Variants in EDC4 observed in about 807,000 individuals in gnomAD.
EDC4 encodes the protein enhancer of mRNA decapping 4, also known as enhancer of mRNA-decapping protein 4.
EDC4 carries 64 observed loss-of-function variants against 155.8 expected under a neutral mutation model. The ratio of observed to expected loss-of-function variants is 0.41; its 90% CI spans 0.34 to 0.51. EDC4 has a LOEUF of 0.51. Ranked by LOEUF, EDC4 falls within the 20% of genes least tolerant of loss-of-function variation. The pLI, the probability that EDC4 is intolerant of heterozygous loss-of-function variation, is 0.19. For synonymous variants in EDC4, 684 were observed against 716.8 expected, an observed-to-expected ratio of 0.95 and a Z score of 0.73; for missense variants, 1,303 against 1,812.5, an observed-to-expected ratio of 0.72 and a Z score of 5.10.
chr16:67,880,235 G>T lies in EDC4; in HGVS notation c.2097+19G>T. On this transcript the variant is annotated intron_variant, in intron 17 of 28. Transcript: ENST00000358933. This position sits in a 1 kb window ranked among gnomAD's most constrained non-coding sequence, Gnocchi z 5.2. ...GGGCCAGGTGTGTGACTGGGTGTGT[G>T]TGTGAAGTGTGGGGAGCAGGTGGGC... 6.3e-7 allele frequency: 1 copy of T among 1,581,704 alleles called. No homozygotes were observed.
Position 67,884,081 on chromosome 16 carries a change from C to T in EDC4, c.4139C>T (p.Ser1380Leu), listed in dbSNP as rs2058082990. The T allele has an allele frequency of 1.2e-6, 2 of 1,614,172 alleles. No individual in the cohort carries two copies. The highest frequency in any genetic ancestry group is 1.7e-6 in the Non-Finnish European group (2 of 1,180,028). The change falls in exon 29 of 29, where the codon TCA (serine) becomes TTA (leucine). Residue 1380 changes from serine (S) to leucine (L), a missense_variant. Coordinates refer to ENST00000358933, the MANE Select transcript of EDC4 (RefSeq NM_014329.5). The surrounding 1 kb of genome is among the most constrained non-coding windows in gnomAD (Gnocchi z 4.1). ...TTCCTGCAGGCTGAGCCACACAACT[C>T]ACTTGGCAAAGCAGCTCGGCGTCTC... ...FQFLQAEPHNSLGKAARRLSL... is the reference protein window; with the variant it reads ...FQFLQAEPHNLLGKAARRLSL...
At chr16:67,875,689 G>A (rs2058038540) in intron 1 of EDC4, 1 of 1,281,336 alleles carries the variant, frequency 7.8e-7, no homozygotes, top group African/African-American at 1.5e-5. Flanking sequence ...CCAGACCTGA[G>A]TATTCACTGC....
Position 67,876,123 on chromosome 16 carries a change from A to G in EDC4, c.239+22A>G, listed in dbSNP as rs772130597. On this transcript the variant is annotated intron_variant, in intron 2 of 28. Transcript: ENST00000358933. The surrounding 1 kb of genome is among the most constrained non-coding windows in gnomAD (Gnocchi z 5.8). The stretch of plus-strand genomic sequence containing the variant: ...TCATGTGAGTACCTAGGAGACGACA[A>G]TAGTGGTGATGGTGTATTTGGGGTG... The G allele has an allele frequency of 3.1e-6, 5 of 1,610,404 alleles. No individual in the cohort carries two copies. The highest frequency in any genetic ancestry group is 4.5e-5 in the East Asian group (2 of 44,808).
Position 67,884,332 on chromosome 16 carries a change from G to A in EDC4, c.*184G>A. ...TGTGGTAGTCAGAAGGTTTAGCTGGGCCCAGGGCAGGTATTGCGCCTGCTT... is the reference window on the plus strand; with the variant it reads ...TGTGGTAGTCAGAAGGTTTAGCTGGACCCAGGGCAGGTATTGCGCCTGCTT... On this transcript the variant is annotated 3_prime_UTR_variant, in exon 29 of 29. Coordinates refer to ENST00000358933, the MANE Select transcript of EDC4 (RefSeq NM_014329.5). The surrounding 1 kb of genome is among the most constrained non-coding windows in gnomAD (Gnocchi z 4.1). 1 of 607,894 alleles carries A rather than the reference G, an allele frequency of 1.6e-6. No individual in the cohort carries two copies. The highest frequency in any genetic ancestry group is 2.3e-5 in the South Asian group (1 of 43,598). The allele number at this position is 607,894 out of a possible 1,614,324, so 37.7% of individuals were successfully genotyped here.
rs940170443 is a variant in EDC4, at chr16:67,880,340, C to T, written c.2097+124C>T. 1.2e-5 allele frequency: 17 copies of T among 1,440,994 alleles called. No individual in the cohort carries two copies. The highest frequency in any genetic ancestry group is 2.6e-4 in the Middle Eastern group (1 of 3,898). The allele number at this position is 1,440,994 out of a possible 1,614,324, so 89.3% of individuals were successfully genotyped here. A position where few individuals can be genotyped will look rare whatever the true frequency, so the allele number is the denominator to read the frequency against. ...CTCTACCCGACATGGTCCGTGTTTC[C>T]CTGAGGTCATTTCACCCTCCTGTGT... On this transcript the variant is annotated intron_variant, in intron 17 of 28. Coordinates refer to ENST00000358933, the MANE Select transcript of EDC4 (RefSeq NM_014329.5). This position sits in a 1 kb window ranked among gnomAD's most constrained non-coding sequence, Gnocchi z 5.2.
chr16:67,876,023 GCTCAGGTGATAGTAC>G lies in EDC4; in HGVS notation c.167_181del (p.Gly56_Ser60del). On this transcript the variant is annotated inframe_deletion, in exon 2 of 29. Transcript: ENST00000358933. This position sits in a 1 kb window ranked among gnomAD's most constrained non-coding sequence, Gnocchi z 5.8. ...GGACTTCTGGTCCCAGACCCGCTCTGCTCAGGTGATAGTACCTCAGCAAACAAGACTGGTCTTCGG... is the reference window on the plus strand; with the variant it reads ...GGACTTCTGGTCCCAGACCCGCTCTGCTCAGCAAACAAGACTGGTCTTCGG... 6.2e-7 allele frequency: 1 copy of G among 1,614,204 alleles called. No individual in the cohort carries two copies. Among genetic ancestry groups the G allele is most frequent in the South Asian group, 1.1e-5 (1 of 91,082 alleles).
chr16:67,877,818 C>T lies in EDC4; in HGVS notation c.867C>T (p.Gly289=), dbSNP rs572809321. ...WPVDVSQIKQ[G]FIVVKGHSTC... ...TGGATGTTAGCCAGATCAAGCAGGG[C>T]TTCATTGTGGTAAAAGGTCATAGCA... The change falls in exon 7 of 29, where the codon GGC becomes GGT. Residue 289 remains glycine (G), a synonymous_variant. Transcript: ENST00000358933. This position sits in a 1 kb window ranked among gnomAD's most constrained non-coding sequence, Gnocchi z 4.9. 3.4e-5 allele frequency: 55 copies of T among 1,614,132 alleles called. No individual in the cohort carries two copies. The South Asian group carries it at 5.8e-4, about 17-fold the overall frequency.
chr16:67,879,501 T>A lies in EDC4; in HGVS notation c.1631T>A (p.Phe544Tyr). Residue 544 changes from phenylalanine to tyrosine, a missense_variant and splice_region_variant, in exon 14 of 29, where the codon TTC (phenylalanine) becomes TAC (tyrosine). Around this residue, in one of 5 missense-constraint regions of EDC4, gnomAD observed 391 missense variants for 445.4 expected, o/e 0.88. Coordinates refer to ENST00000358933, the MANE Select transcript of EDC4 (RefSeq NM_014329.5). The surrounding 1 kb of genome is among the most constrained non-coding windows in gnomAD (Gnocchi z 6.0). ...PLPTHTAHED[F>Y]TFGESRPELG... is the part of the protein sequence containing the mutation. Reference sequence around the variant, plus strand: ...CCCACCCACACTGCCCACGAGGACTTCAGTGAGTAGGGCGTGAGAGGGAGG... The same window carrying A: ...CCCACCCACACTGCCCACGAGGACTACAGTGAGTAGGGCGTGAGAGGGAGG... 1 of 1,614,134 alleles carries A rather than the reference T, an allele frequency of 6.2e-7. No homozygotes were observed. Among genetic ancestry groups the A allele is most frequent in the African/African-American group, 1.3e-5 (1 of 75,028 alleles).
In EDC4 at chr16:67,881,245, C is replaced by T. The variant is rs2058066650; in HGVS notation, c.2637-20C>T. On this transcript the variant is annotated intron_variant, in intron 19 of 28. Transcript: ENST00000358933. This position sits in a 1 kb window ranked among gnomAD's most constrained non-coding sequence, Gnocchi z 5.4. ...GGCAGCAAGTGGGCAGGGGCTTACTCCTCCTTCCCCTTCCCACAGTGACCA... is the reference window on the plus strand; with the variant it reads ...GGCAGCAAGTGGGCAGGGGCTTACTTCTCCTTCCCCTTCCCACAGTGACCA... 2 of 1,613,902 alleles carry T rather than the reference C, an allele frequency of 1.2e-6. No homozygotes were observed. The highest frequency in any genetic ancestry group is 1.7e-6 in the Non-Finnish European group (2 of 1,179,932).
At position 67,880,136 on chromosome 16, in the gene EDC4, C is replaced by G; in HGVS notation, c.2017C>G (p.Leu673Val). 2 of 1,613,144 alleles carry G rather than the reference C, an allele frequency of 1.2e-6. No homozygotes were observed. The highest frequency in any genetic ancestry group is 1.7e-6 in the Non-Finnish European group (2 of 1,179,804). Residue 673 changes from leucine (L) to valine (V), a missense_variant, in exon 17 of 29, where the codon CTT (leucine) becomes GTT (valine). Physicochemically the swap from Leu to Val is conservative, Grantham distance 32. Around this residue, in one of 5 missense-constraint regions of EDC4, gnomAD observed 391 missense variants for 445.4 expected, o/e 0.88. Transcript: ENST00000358933. This position sits in a 1 kb window ranked among gnomAD's most constrained non-coding sequence, Gnocchi z 5.2. The part of the protein sequence containing the change: ...GSLTMSSSGS[L>V]QASPRGLLPG... ...CCTGACAATGAGCAGCAGTGGCAGC[C>G]TTCAGGCAAGCCCGCGTGGCCTCCT...
In EDC4 at chr16:67,880,024, C is replaced by T. The variant is rs780704062; in HGVS notation, c.1944-39C>T. ...GGCAGGGGCTGGTACCAGATGATGC[C>T]AAGCTCTGGCTGCTGACACCTCAGC... is the stretch of plus-strand genomic sequence containing the variant. On this transcript the variant is annotated intron_variant, in intron 16 of 28. Transcript: ENST00000358933. This position sits in a 1 kb window ranked among gnomAD's most constrained non-coding sequence, Gnocchi z 5.2. 11 of 1,587,630 alleles carry T rather than the reference C, an allele frequency of 6.9e-6. No homozygotes were observed. Among genetic ancestry groups the T allele is most frequent in the Non-Finnish European group, 9.5e-6 (11 of 1,163,060 alleles).
In EDC4 at chr16:67,882,983, G is replaced by C; in HGVS notation, c.3655G>C (p.Val1219Leu). 2.5e-6 allele frequency: 4 copies of C among 1,614,158 alleles called. No homozygotes were observed. The highest frequency in any genetic ancestry group is 3.4e-6 in the Non-Finnish European group (4 of 1,180,016). Residue 1219 changes from valine to leucine, a missense_variant, in exon 27 of 29, where the codon GTA becomes CTA. This residue lies in a region of EDC4 where 527 missense variants were observed against 757.0 expected (regional missense o/e 0.70). Transcript: ENST00000358933. This position sits in a 1 kb window ranked among gnomAD's most constrained non-coding sequence, Gnocchi z 7.2. ...CCTGCAGGAGTCCATTTTAGCACAGGTACAGCGCATCGTTAAGGGTGAGGT... is the reference window on the plus strand; with the variant it reads ...CCTGCAGGAGTCCATTTTAGCACAGCTACAGCGCATCGTTAAGGGTGAGGT... ...GSLQESILAQVQRIVKGEVSV... is the reference protein window; with the variant it reads ...GSLQESILAQLQRIVKGEVSV...
At position 67,879,219 on chromosome 16, in the gene EDC4, T is replaced by G. The variant is rs371781428; in HGVS notation, c.1469-18T>G. The G allele has an allele frequency of 1.9e-6, 3 of 1,614,056 alleles. No homozygotes were observed. The highest frequency in any genetic ancestry group is 2.7e-5 in the African/African-American group (2 of 74,912). On this transcript the variant is annotated intron_variant, in intron 12 of 28. Coordinates refer to ENST00000358933, the MANE Select transcript of EDC4 (RefSeq NM_014329.5). This position sits in a 1 kb window ranked among gnomAD's most constrained non-coding sequence, Gnocchi z 6.0. ...ACAGAGAGGGCCAGGGGCTTCATCA[T>G]CCACACTGTCCTTTCAGATGGTACC...
Position 67,883,894 on chromosome 16 carries a change from C to T in EDC4, c.4014-62C>T. 6.5e-7 allele frequency: 1 copy of T among 1,542,338 alleles called. No homozygotes were observed. Among genetic ancestry groups the T allele is most frequent in the Non-Finnish European group, 8.8e-7 (1 of 1,142,830 alleles). On this transcript the variant is annotated intron_variant, in intron 28 of 28. Transcript: ENST00000358933. This position sits in a 1 kb window ranked among gnomAD's most constrained non-coding sequence, Gnocchi z 5.3. ...GGGTTCCCTCTGGGCCTCGGTGCCA[C>T]CAGGGGGCGCTCCCGTCTGCTGGCA...
At chr16:67,875,604 C>T (rs529272806) in intron 1 of EDC4, 415 of 412,782 alleles carry the variant, frequency 1.0e-3, no homozygotes, top group Non-Finnish European at 1.3e-3. Context: ...GTTCTGGTCA[C>T]ACTAACTGCT....
rs1028375960 is a variant in EDC4 at position 67,879,846 on chromosome 16, C to T, written c.1822-4C>T. On this transcript the variant is annotated splice_polypyrimidine_tract_variant and splice_region_variant and intron_variant, in intron 15 of 28. Coordinates refer to ENST00000358933, the MANE Select transcript of EDC4 (RefSeq NM_014329.5). The surrounding 1 kb of genome is among the most constrained non-coding windows in gnomAD (Gnocchi z 6.0). ...CACAGGTCTTATTTCCTGCATCTCC[C>T]CAGATCACTGCCTCTCCCAGCAGCA... 2.5e-6 allele frequency: 4 copies of T among 1,613,422 alleles called. No homozygotes were observed. Among genetic ancestry groups the T allele is most frequent in the East Asian group, 2.2e-5 (1 of 44,906 alleles).
chr16:67,878,707 G>C lies in EDC4; in HGVS notation c.1185-30G>C. The C allele has an allele frequency of 6.2e-7, 1 of 1,614,140 alleles. No homozygotes were observed. The highest frequency in any genetic ancestry group is 8.5e-7 in the Non-Finnish European group (1 of 1,180,016). On this transcript the variant is annotated intron_variant, in intron 10 of 28. Transcript: ENST00000358933. The surrounding 1 kb of genome is among the most constrained non-coding windows in gnomAD (Gnocchi z 5.2). ...GAATGTAGCTTCCTTCAGTTCTCAG[G>C]CTCATTCACTCTGCTTTGTGGCTCT...
Position 67,880,432 on chromosome 16 carries a change from G to T in EDC4, c.2098-125G>T, listed in dbSNP as rs928350765. On this transcript the variant is annotated intron_variant, in intron 17 of 28. Transcript: ENST00000358933. This position sits in a 1 kb window ranked among gnomAD's most constrained non-coding sequence, Gnocchi z 5.2. ...TCTTCTTGGCTGTGGCCTCGTTTTT[G>T]ACCTGTATCCCCACTTCCCTGCTGC... 1 of 1,411,980 alleles carries T rather than the reference G, an allele frequency of 7.1e-7. No homozygotes were observed. The highest frequency in any genetic ancestry group is 1.3e-5 in the South Asian group (1 of 75,372). 87.5% of individuals were successfully genotyped at this position (1,411,980 alleles called of 1,614,324 possible).
At position 67,884,116 on chromosome 16, in the gene EDC4, C is replaced by T. The variant is rs1282763147; in HGVS notation, c.4174C>T (p.Leu1392=). Residue 1392 remains leucine (L), a synonymous_variant, in exon 29 of 29, where the codon CTG becomes TTG. Transcript: ENST00000358933. This position sits in a 1 kb window ranked among gnomAD's most constrained non-coding sequence, Gnocchi z 4.1. ...GKAARRLSLM[L]HGLVTPSLP Reference sequence around the variant, plus strand: ...AGCAGCTCGGCGTCTCAGCCTCATGCTGCATGGCCTCGTGACCCCCAGCCT... The same window carrying T: ...AGCAGCTCGGCGTCTCAGCCTCATGTTGCATGGCCTCGTGACCCCCAGCCT... 3.3e-5 allele frequency: 54 copies of T among 1,612,750 alleles called. No individual in the cohort carries two copies. The highest frequency in any genetic ancestry group is 4.3e-5 in the Non-Finnish European group (51 of 1,179,232).
Sources: gnomAD v4.1 joint callset for allele counts on GRCh38, gnomAD v4.1.1 for gene constraint, gnomAD v4.1.1 regional missense constraint, Gnocchi (gnomAD v3.1) non-coding constraint, MANE v1.5 for transcripts, NCBI Gene and HGNC (gene_info 2026-07-23, HGNC 2026-07-21) for gene names.